Variants in SCRN1 observed in about 807,000 individuals in gnomAD.
SCRN1 encodes secernin 1.
SCRN1 carries 19 observed loss-of-function variants against 43.3 expected under a neutral mutation model. The ratio of observed to expected loss-of-function variants is 0.44; its 90% CI spans 0.31 to 0.64. The LOEUF (loss-of-function observed/expected upper bound fraction) is 0.64, where lower values mean the gene tolerates loss of function less well. Ranked by LOEUF, SCRN1 falls within the 30% of genes least tolerant of loss-of-function variation. The probability of loss-of-function intolerance (pLI) is 0.09; values close to 1 mark genes in which losing one functional copy is unlikely to be tolerated. For missense variants in SCRN1, 447 were observed against 524.1 expected, an observed-to-expected ratio of 0.85 and a Z score of 1.44; for synonymous variants, 183 against 188.9, an observed-to-expected ratio of 0.97 and a Z score of 0.26.
At chr7:29,939,083 T>A (rs1447159812) in intron 5 of SCRN1, among the ~76,000 whole-genome samples, 1 of 152,202 alleles carries the variant, frequency 6.6e-6, no homozygotes, top group Non-Finnish European at 1.5e-5. Context: ...TTAAAAAAAT[T>A]TTGATTTTTT....
chr7:29,989,418 G>T (rs1031367021), intron 1 of SCRN1, among the ~76,000 whole-genome samples: 1 of 152,078 alleles, frequency 6.6e-6, no homozygotes, highest in Non-Finnish European at 1.5e-5. Flanking sequence ...CGCAGTCCCC[G>T]AGCCGAGTCA....
chr7:29,947,236 A>G (rs958865204), intron 3 of SCRN1: 3 of 1,550,600 alleles, frequency 1.9e-6, no homozygotes, highest in African/African-American at 2.7e-5. Context: ...TCCTAGTTTT[A>G]TAGGAAAATC....
intron 1 of SCRN1, among the ~76,000 whole-genome samples, chr7:29,979,045 A>G (rs1175999300): frequency 6.6e-6 from 1 of 152,224 alleles, no homozygotes; most frequent in Non-Finnish European, 1.5e-5. Flanking sequence ...AAATATTTTT[A>G]TATGATGTTT....
At chr7:29,953,742 G>A (rs189945986) in intron 3 of SCRN1, among the ~76,000 whole-genome samples, 268 of 152,192 alleles carry the variant, frequency 1.8e-3, no homozygotes, top group African/African-American at 5.8e-3. Flanking sequence ...GGTGTCCCTC[G>A]CAGACCTCTC....
intron 1 of SCRN1, among the ~76,000 whole-genome samples, chr7:29,971,981 G>C (rs1788679937): frequency 6.6e-6 from 1 of 152,036 alleles, no homozygotes; most frequent in African/African-American, 2.4e-5. Flanking sequence ...CCTTCCCTCT[G>C]GGAAGAAAAG....
intron 1 of SCRN1, among the ~76,000 whole-genome samples, chr7:29,979,445 A>G (rs995563845): frequency 2.6e-5 from 4 of 152,248 alleles, no homozygotes; most frequent in African/African-American, 9.6e-5. Flanking sequence ...TAATGAATAT[A>G]TGTTATGAAT....
chr7:29,988,587 A>T (rs540417756), intron 1 of SCRN1: 3 of 152,574 alleles, frequency 2.0e-5, no homozygotes, highest in Non-Finnish European at 4.4e-5. Context: ...TTGAATTAGC[A>T]TAGGTTTCCT....
chr7:29,955,488 A>G lies in SCRN1; in HGVS notation c.160-128T>C, dbSNP rs1366632196. On this transcript the variant is annotated intron_variant, in intron 2 of 7. Coordinates refer to ENST00000242059, the MANE Select transcript of SCRN1 (RefSeq NM_014766.5). ...CCAAAAAATAAAAGGCCTTGGGAAT[A>G]CCCTGATTTTTAAGTCTTCACAATG... is the stretch of plus-strand genomic sequence containing the variant. 4.8e-6 allele frequency: 4 copies of G among 835,394 alleles called. No homozygotes were observed. The African/African-American group carries it at 6.8e-5, about 14-fold the overall frequency. The allele number at this position is 835,394 out of a possible 1,614,324, so 51.7% of individuals were successfully genotyped here.
rs1771241533 is a variant in SCRN1, at chr7:29,920,973, C to T, written c.*2984G>A. ...TTATATTCTACCTAAAATTTCAAAG[C>T]ACCTCCAAGAATGAAAGGGTACTAT... On this transcript the variant is annotated 3_prime_UTR_variant, in exon 8 of 8. Transcript: ENST00000242059. The T allele has an allele frequency of 6.5e-6, 1 of 152,728 alleles. No individual in the cohort carries two copies. 9.5% of individuals were successfully genotyped at this position (152,728 alleles called of 1,614,324 possible).
At chr7:29,957,783 G>A (rs552620182) in intron 2 of SCRN1, among the ~76,000 whole-genome samples, 2 of 152,282 alleles carry the variant, frequency 1.3e-5, no homozygotes, top group Admixed American at 1.3e-4. Flanking sequence ...AGCCATCAAG[G>A]TACTCCAGAC....
chr7:29,945,376 A>G (rs740143), intron 3 of SCRN1, among the ~76,000 whole-genome samples: 8,762 of 152,286 alleles, frequency 0.058, 325 homozygotes, highest in African/African-American at 0.097. Flanking sequence ...TAAGACTCAC[A>G]AGATCTGATG....
chr7:29,968,891 C>A lies in SCRN1; in HGVS notation c.159+18G>T. The stretch of plus-strand genomic sequence containing the variant: ...AGAAAAGAGAGTGTGACTCGCGAGA[C>A]TGCAATGCACGGCTTACCTCAACCT... On this transcript the variant is annotated intron_variant, in intron 2 of 7. Coordinates refer to ENST00000242059, the MANE Select transcript of SCRN1 (RefSeq NM_014766.5). The A allele has an allele frequency of 6.2e-7, 1 of 1,613,762 alleles. No homozygotes were observed. Among genetic ancestry groups the A allele is most frequent in the Non-Finnish European group, 8.5e-7 (1 of 1,179,706 alleles).
chr7:29,988,496 C>T (rs928053699), intron 1 of SCRN1: 3 of 152,372 alleles, frequency 2.0e-5, no homozygotes, highest in Non-Finnish European at 4.4e-5. Context: ...CACTAATTCC[C>T]TCCCTGAGGC....
rs558884074 is a variant in SCRN1, at chr7:29,950,672, C to T, written c.341+4507G>A. ...AACCCCAGACTCAGTCAGACTCACACAGACGTTAGGACTACCAGCTGCAGG... is the reference window on the plus strand; with the variant it reads ...AACCCCAGACTCAGTCAGACTCACATAGACGTTAGGACTACCAGCTGCAGG... On this transcript the variant is annotated intron_variant, in intron 3 of 7. Coordinates refer to ENST00000242059, the MANE Select transcript of SCRN1 (RefSeq NM_014766.5). The surrounding 1 kb of genome is among the most constrained non-coding windows in gnomAD (Gnocchi z 4.5). Among the ~76,000 whole-genome samples, 10 of 152,324 alleles carry T rather than the reference C, an allele frequency of 6.6e-5. No homozygotes were observed. The East Asian group carries it at 1.7e-3, about 26-fold the overall frequency.
At chr7:29,934,579 G>A (rs1273598531) in intron 6 of SCRN1, among the ~76,000 whole-genome samples, 1 of 152,210 alleles carries the variant, frequency 6.6e-6, no homozygotes, top group Admixed American at 6.5e-5. Flanking sequence ...CCAGCATTAG[G>A]GGAGCAAACT....
Position 29,984,794 on chromosome 7 carries a change from G to A in SCRN1, c.-2+4848C>T, listed in dbSNP as rs141387629. ...AAATTAGCTGGGCGTGGTGGCAGACGCCTGTAATCCCAGCTGCTCAGAAGG... is the reference window on the plus strand; with the variant it reads ...AAATTAGCTGGGCGTGGTGGCAGACACCTGTAATCCCAGCTGCTCAGAAGG... On this transcript the variant is annotated intron_variant, in intron 1 of 7. Coordinates refer to ENST00000242059, the MANE Select transcript of SCRN1 (RefSeq NM_014766.5). Among the ~76,000 whole-genome samples the A allele has an allele frequency of 7.9e-3, 1,143 of 144,264 alleles. 82 individuals are homozygous for A. The highest frequency in any genetic ancestry group is 0.028 in the African/African-American group (1,060 of 38,084). 94.6% of individuals were successfully genotyped at this position (144,264 alleles called of 152,430 possible). A position where few individuals can be genotyped will look rare whatever the true frequency, so the allele number is the denominator to read the frequency against.
upstream of SCRN1, chr7:29,989,811 G>C (rs1350030997): frequency 1.0e-6 from 1 of 990,570 alleles, no homozygotes; most frequent in Admixed American, 6.1e-5. Flanking sequence ...CCCGGCGCTG[G>C]GGCCCGCCGC....
rs1476970356 is a variant in SCRN1, at chr7:29,989,662, C to A, written c.-22G>T. On this transcript the variant is annotated 5_prime_UTR_variant, in exon 1 of 8. Transcript: ENST00000242059. Reference sequence around the variant, plus strand: ...CTCACCTGGGGCGGCGGGCTCCGGGCTCCGCTCTCCGCTCTGCGGTGCTGA... The same window carrying A: ...CTCACCTGGGGCGGCGGGCTCCGGGATCCGCTCTCCGCTCTGCGGTGCTGA... The A allele has an allele frequency of 1.6e-5, 16 of 985,492 alleles. No individual in the cohort carries two copies. Among genetic ancestry groups the A allele is most frequent in the Non-Finnish European group, 1.9e-5 (16 of 830,098 alleles). The allele number at this position is 985,492 out of a possible 1,614,324, so 61.0% of individuals were successfully genotyped here.
At chr7:29,982,082 G>A (rs1789007432) in intron 1 of SCRN1, among the ~76,000 whole-genome samples, 1 of 152,028 alleles carries the variant, frequency 6.6e-6, no homozygotes, top group Non-Finnish European at 1.5e-5. Context: ...CCTCACTTAT[G>A]GGCTCTTCCA....
Sources: gnomAD v4.1 joint callset for allele counts (sites outside exome capture counted in the v4.1 genomes callset) on GRCh38, gnomAD v4.1.1 for gene constraint, Gnocchi (gnomAD v3.1) non-coding constraint, MANE v1.5 for transcripts, NCBI Gene and HGNC (gene_info 2026-07-23, HGNC 2026-07-21) for gene names.